Variants in PTPRK observed in about 807,000 individuals in gnomAD.
The protein encoded by PTPRK is protein tyrosine phosphatase receptor type K.
Under a neutral mutation model 178.0 loss-of-function variants are expected in PTPRK, and 75 were observed. That is an observed-to-expected ratio of 0.42 (90% CI 0.35 to 0.51). PTPRK has a LOEUF of 0.51. PTPRK is among the 20% of genes least tolerant of loss of function. The pLI, the probability that PTPRK is intolerant of heterozygous loss-of-function variation, is 0.02. For synonymous variants in PTPRK, 637 were observed against 620.6 expected (o/e 1.03, Z -0.39); for missense variants, 1,441 against 1,797.8 (o/e 0.80, Z 3.59).
intron 2 of PTPRK, among the ~76,000 whole-genome samples, chr6:128,389,684 T>A (rs1389711118): frequency 6.6e-6 from 1 of 152,082 alleles, no homozygotes; most frequent in Non-Finnish European, 1.5e-5. Flanking sequence ...GTTCCTATCT[T>A]AATTCATCTA....
intron 2 of PTPRK, among the ~76,000 whole-genome samples, chr6:128,328,935 C>T (rs1183107294): frequency 6.6e-6 from 1 of 152,130 alleles, no homozygotes; most frequent in African/African-American, 2.4e-5. Context: ...TTTACTTCAT[C>T]TTTCAATCTG....
intron 6 of PTPRK, among the ~76,000 whole-genome samples, chr6:128,193,063 CTTAT>C (rs1280399316): frequency 1.3e-5 from 2 of 151,966 alleles, no homozygotes; most frequent in Non-Finnish European, 2.9e-5. Context: ...TATTTATTTA[CTTAT>C]TTAATTTTCA....
intron 4 of PTPRK, chr6:128,241,276 G>C (rs1302999389): frequency 1.9e-6 from 1 of 533,228 alleles, no homozygotes; most frequent in African/African-American, 1.9e-5. Flanking sequence ...ATGAACTAAA[G>C]CAGCAGTTCT....
At chr6:128,400,039 T>A (rs1840819648) in intron 1 of PTPRK, among the ~76,000 whole-genome samples, 1 of 152,228 alleles carries the variant, frequency 6.6e-6, no homozygotes, top group Non-Finnish European at 1.5e-5. Flanking sequence ...TAAAGAATTT[T>A]GTATTTCAAG....
At chr6:127,992,327 G>A (rs940676468) in intron 19 of PTPRK, among the ~76,000 whole-genome samples, 20 of 151,740 alleles carry the variant, frequency 1.3e-4, no homozygotes, top group Admixed American at 1.2e-3. Context: ...GCTGCAAGAA[G>A]ACAGGCCTCT....
intron 6 of PTPRK, among the ~76,000 whole-genome samples, chr6:128,202,187 A>T (rs1418204139): frequency 1.3e-5 from 2 of 152,176 alleles, no homozygotes; most frequent in Non-Finnish European, 2.9e-5. Context: ...CAACCCACGG[A>T]AAATGAAGAA....
chr6:128,027,064 C>T (rs1008072017), intron 13 of PTPRK, among the ~76,000 whole-genome samples: 19 of 152,122 alleles, frequency 1.2e-4, no homozygotes, highest in Non-Finnish European at 1.9e-4. Flanking sequence ...TGATAGAATG[C>T]GCCACATATA....
chr6:127,972,676 C>A (rs1458332694), intron 29 of PTPRK, among the ~76,000 whole-genome samples: 1 of 152,060 alleles, frequency 6.6e-6, no homozygotes, highest in Non-Finnish European at 1.5e-5. Context: ...CTGATGAAAC[C>A]TATATCCCTT....
intron 13 of PTPRK, among the ~76,000 whole-genome samples, chr6:128,018,036 C>T (rs1456338996): frequency 6.6e-6 from 1 of 151,204 alleles, no homozygotes; most frequent in Non-Finnish European, 1.5e-5. Context: ...ACTACCCTCT[C>T]ACCTCTAAAT....
intron 13 of PTPRK, among the ~76,000 whole-genome samples, chr6:128,016,021 T>C (rs1779558340): frequency 6.6e-6 from 1 of 151,780 alleles, no homozygotes; most frequent in Admixed American, 6.6e-5. Context: ...TCTACCTGTT[T>C]TTTTCTCTGA....
chr6:128,361,548 T>C (rs1584357312), intron 2 of PTPRK, among the ~76,000 whole-genome samples: 1 of 152,142 alleles, frequency 6.6e-6, no homozygotes, highest in South Asian at 2.1e-4. Context: ...GGGTGTTAAT[T>C]ACATAAGCAT....
intron 1 of PTPRK, among the ~76,000 whole-genome samples, chr6:128,443,718 G>T (rs763257149): frequency 1.3e-5 from 2 of 152,344 alleles, no homozygotes; most frequent in East Asian, 1.9e-4. Flanking sequence ...AGCAGGGAAG[G>T]TTGGAGGAAG....
chr6:128,338,672 C>CCCTGGAAGTCTATGCTTCCCCT (rs1831265945), intron 2 of PTPRK, among the ~76,000 whole-genome samples: 2 of 152,104 alleles, frequency 1.3e-5, no homozygotes, highest in East Asian at 3.9e-4. Flanking sequence ...CTATGCTTCC[C>CCCTGGAAGTCTATGCTTCCCCT]CTCTGCAGAA....
chr6:128,142,459 C>T (rs1795906611), intron 7 of PTPRK, among the ~76,000 whole-genome samples: 1 of 151,678 alleles, frequency 6.6e-6, no homozygotes, highest in African/African-American at 2.4e-5. Flanking sequence ...ATTGGAAGCA[C>T]CGTATAGCAT....
intron 7 of PTPRK, among the ~76,000 whole-genome samples, chr6:128,177,446 A>G (rs943430668): frequency 8.6e-5 from 13 of 151,804 alleles, no homozygotes; most frequent in African/African-American, 3.1e-4. Flanking sequence ...AGCCAATAAA[A>G]AGAGTACTTA....
chr6:128,498,378 AACG>A (rs1855039017), intron 1 of PTPRK, among the ~76,000 whole-genome samples: 2 of 152,174 alleles, frequency 1.3e-5, no homozygotes, highest in Non-Finnish European at 2.9e-5. Context: ...TGCCCACTTA[AACG>A]AACCAGCTCC....
chr6:128,187,349 A>G (rs1802950763), intron 6 of PTPRK, among the ~76,000 whole-genome samples: 1 of 152,178 alleles, frequency 6.6e-6, no homozygotes, highest in South Asian at 2.1e-4. Flanking sequence ...TGATATATAA[A>G]AGAAAACAAA....
chr6:128,000,873 C>A (rs1399751340), intron 15 of PTPRK, among the ~76,000 whole-genome samples: 3 of 151,990 alleles, frequency 2.0e-5, no homozygotes, highest in Non-Finnish European at 4.4e-5. Flanking sequence ...AGAATATTTA[C>A]AATTGAAAAA....
chr6:128,493,909 T>G (rs1479657114), intron 1 of PTPRK, among the ~76,000 whole-genome samples: 2 of 152,210 alleles, frequency 1.3e-5, no homozygotes, highest in East Asian at 3.9e-4. Context: ...TCTACGTGAG[T>G]TATAACATTT....
Sources: allele counts gnomAD v4.1 joint callset (sites outside exome capture counted in the v4.1 genomes callset), GRCh38; gene constraint gnomAD v4.1.1; transcripts MANE v1.5; gene names NCBI Gene and HGNC (gene_info 2026-07-23, HGNC 2026-07-21).